TBC1D23: variants seen among roughly 807,000 people sequenced by gnomAD.
The protein encoded by TBC1D23 is HCV non-structural protein 4A-transactivated protein 1.
A neutral mutation model predicts 91.4 loss-of-function variants in TBC1D23; 55 were observed. The observed-to-expected ratio is 0.60, with a 90% CI of 0.48 to 0.75. The LOEUF is 0.75. TBC1D23 is among the 30% of genes least tolerant of loss of function. The probability of loss-of-function intolerance (pLI) is 0.00; values close to 1 mark genes in which losing one functional copy is unlikely to be tolerated. For synonymous variants in TBC1D23, 289 were observed against 281.0 expected, an observed-to-expected ratio of 1.03 and a Z score of -0.28; for missense variants, 725 against 836.1, an observed-to-expected ratio of 0.87 and a Z score of 1.64.
At chr3:100,270,168 T>C (rs1230124263) in intron 1 of TBC1D23, among the ~76,000 whole-genome samples, 1 of 152,218 alleles carries the variant, frequency 6.6e-6, no homozygotes, top group Admixed American at 6.5e-5. Context: ...TTTTTTTTTC[T>C]GTACTGCATC....
rs773945320 is a variant in TBC1D23, at chr3:100,283,724, A to T, written c.389A>T (p.His130Leu). 6.2e-6 allele frequency: 10 copies of T among 1,613,130 alleles called. No homozygotes were observed. Among genetic ancestry groups the T allele is most frequent in the Non-Finnish European group, 8.5e-6 (10 of 1,179,178 alleles). ...TATAGCACATCCCTTAGCTGGATAC[A>T]TCTACTGAAACCATTGGTGCATCTT... is the stretch of plus-strand genomic sequence containing the variant. ...IKYSTSLSWIHLLKPLVHLQL... is the reference protein window; with the variant it reads ...IKYSTSLSWILLLKPLVHLQL... Residue 130 changes from histidine to leucine, a missense_variant, in exon 4 of 19, where the codon CAT becomes CTT. By Grantham distance (99) the His-to-Leu change is moderately conservative. Transcript: ENST00000394144.
At chr3:100,303,730 A>T (rs1705471952) in intron 11 of TBC1D23, among the ~76,000 whole-genome samples, 1 of 152,208 alleles carries the variant, frequency 6.6e-6, no homozygotes, top group South Asian at 2.1e-4. Context: ...TAGTCATGCC[A>T]CTGTACTCCA....
intron 1 of TBC1D23, among the ~76,000 whole-genome samples, chr3:100,263,811 G>A (rs1419110297): frequency 6.6e-6 from 1 of 152,148 alleles, no homozygotes; most frequent in Non-Finnish European, 1.5e-5. Context: ...GTGCCTCTGG[G>A]GAGTTCTTAG....
chr3:100,280,282 C>T (rs894220418), intron 2 of TBC1D23, among the ~76,000 whole-genome samples: 4 of 151,318 alleles, frequency 2.6e-5, no homozygotes, highest in African/African-American at 9.7e-5. Flanking sequence ...AAACAAGATA[C>T]AATCAGTGAG....
chr3:100,284,080 A>G (rs1417375735), intron 4 of TBC1D23: 2 of 355,514 alleles, frequency 5.6e-6, no homozygotes, highest in East Asian at 4.7e-5. Context: ...AGGATACAAA[A>G]TAGCAAATAG....
In TBC1D23 at chr3:100,295,138, T is replaced by C. The variant is rs762871357; in HGVS notation, c.652T>C (p.Trp218Arg). The C allele has an allele frequency of 6.2e-7, 1 of 1,606,942 alleles. No homozygotes were observed. Among genetic ancestry groups the C allele is most frequent in the Non-Finnish European group, 8.5e-7 (1 of 1,177,524 alleles). ...TTCCACTGAAGTCACTCAGGCAATATGGGATGGATATCTACAACAAGCAGA... is the reference window on the plus strand; with the variant it reads ...TTCCACTGAAGTCACTCAGGCAATACGGGATGGATATCTACAACAAGCAGA... ...YCSTEVTQAI[W>R]DGYLQQADPF... Residue 218 changes from tryptophan (W) to arginine (R), a missense_variant, in exon 6 of 19, where the codon TGG (tryptophan) becomes CGG (arginine). By Grantham distance (101) the Trp-to-Arg change is moderately radical (BLOSUM62 -3). Coordinates refer to ENST00000394144, the MANE Select transcript of TBC1D23 (RefSeq NM_001199198.3).
rs772193191 is a variant in TBC1D23 at position 100,304,839 on chromosome 3, A to G, written c.1264-7A>G. The G allele has an allele frequency of 2.1e-6, 3 of 1,430,766 alleles. No homozygotes were observed. The highest frequency in any genetic ancestry group is 2.3e-5 in the East Asian group (1 of 43,788). 88.6% of individuals were successfully genotyped at this position (1,430,766 alleles called of 1,614,324 possible). Reference sequence around the variant, plus strand: ...TGGAAGAATTTAAATTTTCTTTTCCATTACAGAAAAACAAAGAATATGTGA... The same window carrying G: ...TGGAAGAATTTAAATTTTCTTTTCCGTTACAGAAAAACAAAGAATATGTGA... On this transcript the variant is annotated splice_polypyrimidine_tract_variant and splice_region_variant and intron_variant, in intron 11 of 18. Transcript: ENST00000394144.
At chr3:100,313,955 A>G (rs1211032326) in intron 15 of TBC1D23, among the ~76,000 whole-genome samples, 1 of 152,188 alleles carries the variant, frequency 6.6e-6, no homozygotes, top group African/African-American at 2.4e-5. Context: ...CTTGTAATTT[A>G]ATCAGACTTT....
intron 1 of TBC1D23, among the ~76,000 whole-genome samples, chr3:100,267,939 G>A (rs1211237470): frequency 6.6e-6 from 1 of 152,162 alleles, no homozygotes; most frequent in Non-Finnish European, 1.5e-5. Flanking sequence ...GGGAGGCCAA[G>A]GTGGGAGGAT....
chr3:100,298,215 T>G (rs1705343025), intron 9 of TBC1D23, among the ~76,000 whole-genome samples, 170 bp downstream of exon 9: 1 of 152,224 alleles, frequency 6.6e-6, no homozygotes, highest in Admixed American at 6.5e-5. Flanking sequence ...ATTTTAAAAC[T>G]TGTCAGCTTG....
intron 15 of TBC1D23, among the ~76,000 whole-genome samples, chr3:100,313,986 C>T (rs1367075163): frequency 6.6e-6 from 1 of 151,830 alleles, no homozygotes; most frequent in Non-Finnish European, 1.5e-5. Flanking sequence ...ATTGATTAAC[C>T]TAACTTGTAA....
chr3:100,323,511 G>T, intron 18 of TBC1D23, 76 bp from the exon 19 acceptor site: 1 of 737,676 alleles, frequency 1.4e-6, no homozygotes, highest in Non-Finnish European at 1.8e-6. Context: ...AGTCTTGAAG[G>T]GAAAGCACTG....
chr3:100,302,607 A>G (rs1171924606), intron 11 of TBC1D23, among the ~76,000 whole-genome samples: 2 of 151,922 alleles, frequency 1.3e-5, no homozygotes, highest in African/African-American at 2.4e-5. Flanking sequence ...ATTTTTTTGA[A>G]ATGGAGTCTT....
intron 9 of TBC1D23, 134 bp downstream of exon 9, chr3:100,298,179 G>T (rs1300523551): frequency 7.3e-6 from 5 of 680,710 alleles, no homozygotes; most frequent in African/African-American, 1.8e-5. Context: ...TTGAATGATT[G>T]TGTTAAATGT....
At chr3:100,316,211 G>T in intron 16 of TBC1D23, 24 bp downstream of exon 16, 1 of 1,559,686 alleles carries the variant, frequency 6.4e-7, no homozygotes, top group South Asian at 1.1e-5. Flanking sequence ...CTTAGCTACA[G>T]ACAGCTTTGC....
chr3:100,302,040 G>C (rs760672752), intron 10 of TBC1D23, 27 bp from the exon 11 acceptor site: 2 of 1,564,458 alleles, frequency 1.3e-6, no homozygotes, highest in Non-Finnish European at 1.7e-6. Context: ...GGCTTGTCAA[G>C]TTTTTAACTT....
chr3:100,284,522 C>G (rs1365914228), intron 4 of TBC1D23, among the ~76,000 whole-genome samples: 1 of 151,970 alleles, frequency 6.6e-6, no homozygotes, highest in Non-Finnish European at 1.5e-5. Context: ...TTGAAGTGTG[C>G]TGAATGTTAG....
At chr3:100,291,582 C>CAA (rs770935259) in intron 5 of TBC1D23, among the ~76,000 whole-genome samples, 5 of 72,906 alleles carry the variant, frequency 6.9e-5, no homozygotes, top group African/African-American at 2.6e-4. Flanking sequence ...GACTCTGTCT[C>CAA]AAAAAAAAAA....
rs1248150112 is a variant in TBC1D23 at position 100,295,104 on chromosome 3, A to G, written c.618A>G (p.Ala206=). The change falls in exon 6 of 19, where the codon GCA becomes GCG. Residue 206 remains alanine (A), a synonymous_variant. Transcript: ENST00000394144. Reference sequence around the variant, plus strand: ...GATTACAGCTTGGAAGTCTTTTTGCATGTTACTGTTCCACTGAAGTCACTC... The same window carrying G: ...GATTACAGCTTGGAAGTCTTTTTGCGTGTTACTGTTCCACTGAAGTCACTC... The part of the protein sequence containing the change: ...YALNWLGSLF[A]CYCSTEVTQA... 3 of 1,589,824 alleles carry G rather than the reference A, an allele frequency of 1.9e-6. No homozygotes were observed. Among genetic ancestry groups the G allele is most frequent in the Non-Finnish European group, 1.7e-6 (2 of 1,172,616 alleles).
Sources: gnomAD v4.1 joint callset for allele counts (sites outside exome capture counted in the v4.1 genomes callset) on GRCh38, gnomAD v4.1.1 for gene constraint, MANE v1.5 for transcripts, NCBI Gene and HGNC (gene_info 2026-07-23, HGNC 2026-07-21) for gene names.